NCOA1: variants seen among roughly 807,000 people sequenced by gnomAD.
NCOA1 encodes Hin-2 protein.
In NCOA1, 35 loss-of-function variants were observed where a neutral mutation model predicts 150.9. The observed-to-expected ratio is 0.23, with a 90% CI of 0.18 to 0.31. The LOEUF (loss-of-function observed/expected upper bound fraction) is 0.31, where lower values mean the gene tolerates loss of function less well. Among genes scored for constraint, NCOA1 ranks in the 10% least tolerant of loss-of-function variants. The probability of loss-of-function intolerance (pLI) is 1.00; values close to 1 mark genes in which losing one functional copy is unlikely to be tolerated. For synonymous variants in NCOA1, 590 were observed against 630.0 expected, an observed-to-expected ratio of 0.94 and a Z score of 0.95; for missense variants, 1,491 against 1,749.3, an observed-to-expected ratio of 0.85 and a Z score of 2.63.
At chr2:24,645,106 C>A (rs1196280165) in intron 4 of NCOA1, among the ~76,000 whole-genome samples, 2 of 152,116 alleles carry the variant, frequency 1.3e-5, no homozygotes, top group Non-Finnish European at 2.9e-5. Flanking sequence ...GCAAAACTCT[C>A]AGTTGGCAGA....
At chr2:24,675,492 C>T (rs1398998872) in intron 7 of NCOA1, among the ~76,000 whole-genome samples, 3 of 152,166 alleles carry the variant, frequency 2.0e-5, no homozygotes, top group Non-Finnish European at 4.4e-5. Flanking sequence ...TCCCAATGGC[C>T]TGATTAAGAA....
intron 3 of NCOA1, among the ~76,000 whole-genome samples, chr2:24,634,461 T>C (rs1210599394): frequency 1.3e-5 from 2 of 152,356 alleles, no homozygotes; most frequent in East Asian, 3.9e-4. Context: ...AGGTACATTA[T>C]AGGTACTCTT....
intron 14 of NCOA1, among the ~76,000 whole-genome samples, chr2:24,717,295 C>T (rs1340426875): frequency 5.3e-5 from 8 of 152,182 alleles, no homozygotes; most frequent in Non-Finnish European, 1.0e-4. Context: ...ACACAAAAAC[C>T]TGCACATGAA....
rs113963780 is a variant in NCOA1, at chr2:24,503,977, C to T, written c.-396+12375C>T. 8.7e-4 allele frequency among the ~76,000 whole-genome samples: 133 copies of T among 152,160 alleles called. 2 individuals carry two copies. The highest frequency in any genetic ancestry group is 3.4e-3 in the Middle Eastern group (1 of 294). On this transcript the variant is annotated intron_variant, in intron 1 of 22. Transcript: ENST00000348332. ...CTTGAACTCCTGACCTCAGGTAATC[C>T]GCCTGCCTCAGCCTCCCAAAGTTCT...
At position 24,535,617 on chromosome 2, in the gene NCOA1, C is replaced by T. The variant is rs528539903; in HGVS notation, c.-395-28678C>T. On this transcript the variant is annotated intron_variant, in intron 1 of 22. Coordinates refer to ENST00000348332, the MANE Select transcript of NCOA1 (RefSeq NM_003743.5). ...TGTTCCTTTCCATGTTTAGTGCTTC[C>T]TTCAGGAGCTCTTGTAAGGCAGGCC... Among the ~76,000 whole-genome samples the T allele has an allele frequency of 9.1e-4, 138 of 152,204 alleles. 1 individual carries two copies. Among genetic ancestry groups the T allele is most frequent in the African/African-American group, 3.2e-3 (133 of 41,524 alleles).
intron 11 of NCOA1, among the ~76,000 whole-genome samples, chr2:24,703,089 G>A (rs1032442194): frequency 1.3e-5 from 2 of 152,154 alleles, no homozygotes; most frequent in Non-Finnish European, 2.9e-5. Context: ...TACCTGATAT[G>A]TACTCCATGC....
At chr2:24,690,585 C>G (rs1031111959) in intron 8 of NCOA1, among the ~76,000 whole-genome samples, 3 of 121,028 alleles carry the variant, frequency 2.5e-5, no homozygotes, top group African/African-American at 9.3e-5. Flanking sequence ...CCAGGAGGCG[C>G]AGGTTGTGGT....
intron 1 of NCOA1, among the ~76,000 whole-genome samples, chr2:24,547,988 C>CAAAAA (rs34669959): frequency 4.0e-5 from 3 of 74,926 alleles, no homozygotes; most frequent in African/African-American, 1.2e-4. Flanking sequence ...GACTCTGTCT[C>CAAAAA]AAAAAAAAAA....
At chr2:24,671,697 A>G (rs989109689) in intron 6 of NCOA1, among the ~76,000 whole-genome samples, 1 of 152,016 alleles carries the variant, frequency 6.6e-6, no homozygotes, top group Admixed American at 6.6e-5. Context: ...AGTAGCTGAG[A>G]TTACAGACAT....
At chr2:24,753,317 C>T (rs998193586) in intron 20 of NCOA1, among the ~76,000 whole-genome samples, 3 of 152,012 alleles carry the variant, frequency 2.0e-5, no homozygotes, top group African/African-American at 7.2e-5. Flanking sequence ...TAATGAAATC[C>T]AACTAAACTC....
intron 1 of NCOA1, among the ~76,000 whole-genome samples, chr2:24,496,355 C>A (rs147622813): frequency 2.0e-5 from 3 of 152,132 alleles, no homozygotes; most frequent in South Asian, 2.1e-4. Flanking sequence ...AGAAATACTT[C>A]GCAAACTGTA....
chr2:24,640,215 A>G (rs1670145988), intron 3 of NCOA1, among the ~76,000 whole-genome samples: 1 of 151,996 alleles, frequency 6.6e-6, no homozygotes, highest in African/African-American at 2.4e-5. Context: ...GAAACGTGTT[A>G]TATAAAAAAT....
chr2:24,603,116 G>A (rs1668203010), intron 3 of NCOA1, among the ~76,000 whole-genome samples: 5 of 152,104 alleles, frequency 3.3e-5, no homozygotes, highest in African/African-American at 9.7e-5. Context: ...TGCTTCCCCA[G>A]TGCTTATAAA....
In NCOA1 at chr2:24,705,078, T is replaced by C. The variant is rs774212101; in HGVS notation, c.950-8T>C. The C allele has an allele frequency of 9.9e-6, 16 of 1,610,820 alleles. No homozygotes were observed. In the East Asian group the frequency reaches 3.3e-4, roughly 34 times the overall value. On this transcript the variant is annotated splice_polypyrimidine_tract_variant and splice_region_variant and intron_variant, in intron 11 of 22. Transcript: ENST00000348332. ...ATTTTAACTAGGTTTCTCTTCTGTT[T>C]GAAACAGTGATGACTCGTGGCACTG...
At chr2:24,674,543 G>A (rs1055724523) in intron 7 of NCOA1, among the ~76,000 whole-genome samples, 4 of 152,028 alleles carry the variant, frequency 2.6e-5, no homozygotes, top group African/African-American at 4.8e-5. Context: ...AAGGTAGCAC[G>A]GGTAAAGAAT....
chr2:24,545,075 A>C (rs1665555082), intron 1 of NCOA1, among the ~76,000 whole-genome samples: 2 of 152,220 alleles, frequency 1.3e-5, no homozygotes, highest in South Asian at 4.1e-4. Context: ...ACATTTATTT[A>C]CTAGCTCTGT....
chr2:24,712,196 A>T (rs1368417649), intron 14 of NCOA1, among the ~76,000 whole-genome samples: 1 of 152,188 alleles, frequency 6.6e-6, no homozygotes, highest in Non-Finnish European at 1.5e-5. Context: ...TATTCTCTTT[A>T]TCTGCAATAT....
chr2:24,632,970 C>T (rs1669768806), intron 3 of NCOA1, among the ~76,000 whole-genome samples: 1 of 152,000 alleles, frequency 6.6e-6, no homozygotes, highest in South Asian at 2.1e-4. Context: ...AACTAAATAC[C>T]ATTGGGCATC....
intron 1 of NCOA1, among the ~76,000 whole-genome samples, chr2:24,546,055 C>T (rs531537540): frequency 6.6e-6 from 1 of 152,262 alleles, no homozygotes; most frequent in East Asian, 1.9e-4. Context: ...TCCCAAAGTG[C>T]TGTGATTACA....
Sources: allele counts gnomAD v4.1 joint callset (sites outside exome capture counted in the v4.1 genomes callset), GRCh38; gene constraint gnomAD v4.1.1; transcripts MANE v1.5; gene names NCBI Gene and HGNC (gene_info 2026-07-23, HGNC 2026-07-21).